Variants in CTNND2 observed in about 807,000 individuals in gnomAD.
The protein encoded by CTNND2 is catenin delta-2.
CTNND2 carries 22 observed loss-of-function variants against 144.4 expected under a neutral mutation model. The observed-to-expected ratio is 0.15, with a 90% CI of 0.11 to 0.22. The LOEUF (loss-of-function observed/expected upper bound fraction) is 0.22. Among genes scored for constraint, CTNND2 ranks in the 10% least tolerant of loss-of-function variants. The pLI is 1.00. For missense variants in CTNND2, 1,353 were observed against 1,618.8 expected (o/e 0.84, Z 2.82); for synonymous variants, 751 against 695.6 (o/e 1.08, Z -1.25).
chr5:11,639,712 T>G (rs1781893268), intron 2 of CTNND2, among the ~76,000 whole-genome samples: 1 of 152,194 alleles, frequency 6.6e-6, no homozygotes, highest in African/African-American at 2.4e-5. Flanking sequence ...TTTCTCAAAA[T>G]TATATAACTC....
chr5:11,386,953 G>A (rs1055097540), intron 6 of CTNND2, among the ~76,000 whole-genome samples: 2 of 152,108 alleles, frequency 1.3e-5, no homozygotes, highest in South Asian at 2.1e-4. Context: ...TGGCTTTGAT[G>A]CAATTTTGCT....
At chr5:11,869,204 G>A (rs1161986454) in intron 1 of CTNND2, among the ~76,000 whole-genome samples, 1 of 152,154 alleles carries the variant, frequency 6.6e-6, no homozygotes, top group Non-Finnish European at 1.5e-5. Context: ...ATTGCCATAT[G>A]ATGCACCAAC....
intron 2 of CTNND2, among the ~76,000 whole-genome samples, chr5:11,626,753 A>G (rs1478767362): frequency 6.6e-6 from 1 of 152,208 alleles, no homozygotes; most frequent in Admixed American, 6.5e-5. Flanking sequence ...CTAAAATGAA[A>G]TATTTGCTCC....
At chr5:11,325,585 A>T (rs1216693556) in intron 9 of CTNND2, among the ~76,000 whole-genome samples, 1 of 152,170 alleles carries the variant, frequency 6.6e-6, no homozygotes, top group Admixed American at 6.5e-5. Context: ...GGTCCATATC[A>T]ATCTCTAAAC....
intron 1 of CTNND2, among the ~76,000 whole-genome samples, chr5:11,819,118 T>C (rs370395327): frequency 7.2e-4 from 109 of 152,308 alleles, no homozygotes; most frequent in African/African-American, 2.6e-3. Context: ...ACTTCATTAA[T>C]ACTAAACCTG....
intron 3 of CTNND2, among the ~76,000 whole-genome samples, chr5:11,454,434 G>A (rs1009557482): frequency 6.6e-6 from 1 of 151,784 alleles, no homozygotes; most frequent in African/African-American, 2.4e-5. Flanking sequence ...AAAAAAATAA[G>A]TAAATAATAA....
At chr5:11,894,790 A>G (rs1277679014) in intron 1 of CTNND2, among the ~76,000 whole-genome samples, 1 of 152,250 alleles carries the variant, frequency 6.6e-6, no homozygotes, top group East Asian at 1.9e-4. Flanking sequence ...AGAACTTGGC[A>G]TCCTAAGGCA....
chr5:11,056,708 T>C (rs1746384894), intron 16 of CTNND2, among the ~76,000 whole-genome samples: 1 of 152,186 alleles, frequency 6.6e-6, no homozygotes, highest in Non-Finnish European at 1.5e-5. Context: ...TTGTAAGTAA[T>C]AATTTAGAGC....
intron 8 of CTNND2, among the ~76,000 whole-genome samples, chr5:11,356,036 G>A (rs1334238791): frequency 6.6e-6 from 1 of 151,922 alleles, no homozygotes; most frequent in South Asian, 2.1e-4. Flanking sequence ...TTCAATTAAA[G>A]AAATAGAAGA....
At chr5:11,487,573 T>G (rs1390149996) in intron 3 of CTNND2, among the ~76,000 whole-genome samples, 1 of 152,166 alleles carries the variant, frequency 6.6e-6, no homozygotes, top group Non-Finnish European at 1.5e-5. Flanking sequence ...TGCAGTGTGC[T>G]CGTCAGAGTG....
chr5:11,445,734 G>C (rs1764739635), intron 3 of CTNND2, among the ~76,000 whole-genome samples: 1 of 152,228 alleles, frequency 6.6e-6, no homozygotes, highest in Non-Finnish European at 1.5e-5. Flanking sequence ...TAGCGGGGCT[G>C]GTGAGGTGAA....
chr5:11,449,494 C>T (rs368579665), intron 3 of CTNND2, among the ~76,000 whole-genome samples: 28 of 152,266 alleles, frequency 1.8e-4, no homozygotes, highest in African/African-American at 5.8e-4. Context: ...CTAACATGAA[C>T]GCTTAGCAGG....
At chr5:11,672,380 G>A (rs1218826714) in intron 2 of CTNND2, among the ~76,000 whole-genome samples, 9 of 152,230 alleles carry the variant, frequency 5.9e-5, no homozygotes, top group East Asian at 1.9e-4. Context: ...AGCTGTGCCT[G>A]TAGCCACCCC....
Position 11,159,608 on chromosome 5 carries a change from T to C in CTNND2, c.2127A>G (p.Ser709=). The change falls in exon 12 of 22, where the codon TCA becomes TCG. Residue 709 remains serine, a synonymous_variant. Transcript: ENST00000304623. Reference sequence around the variant, plus strand: ...ACCCGGTGGCGTTACGCAGCACCTGTGATGAATGCAGCTGTATTTTCCGAT... The same window carrying C: ...ACCCGGTGGCGTTACGCAGCACCTGCGATGAATGCAGCTGTATTTTCCGAT... The part of the protein sequence containing the change: ...QDDRKIQLHS[S]QVLRNATGCL... 2.5e-6 allele frequency: 4 copies of C among 1,613,266 alleles called. 1 individual carries two copies. In the South Asian group the frequency reaches 4.4e-5, roughly 18 times the overall value.
At chr5:11,736,131 G>T (rs886129743) in intron 1 of CTNND2, among the ~76,000 whole-genome samples, 1 of 152,076 alleles carries the variant, frequency 6.6e-6, no homozygotes, top group Non-Finnish European at 1.5e-5. Context: ...TGATGTGTCA[G>T]CCTATTTCCT....
At chr5:11,842,351 T>G in intron 1 of CTNND2, among the ~76,000 whole-genome samples, 1 of 152,136 alleles carries the variant, frequency 6.6e-6, no homozygotes, top group East Asian at 1.9e-4. Context: ...AATTCTATAC[T>G]ATGGTTTAGA....
chr5:11,172,792 G>C (rs1210345332), intron 11 of CTNND2, among the ~76,000 whole-genome samples: 1 of 152,202 alleles, frequency 6.6e-6, no homozygotes, highest in African/African-American at 2.4e-5. Context: ...TAGGCAGAGA[G>C]AACGTCCTCC....
At chr5:10,983,916 C>G (rs1327386389) in intron 20 of CTNND2, among the ~76,000 whole-genome samples, 1 of 152,152 alleles carries the variant, frequency 6.6e-6, no homozygotes, top group South Asian at 2.1e-4. Flanking sequence ...AAAGGAGTCC[C>G]AGCTTTGCCG....
rs753048391 is a variant in CTNND2, at chr5:11,384,741, G to A, written c.1101C>T (p.His367=). ...AGTGCTTGCTGTACTGCTCGGACGC[G>A]TGGACCAGGCGCTTGGTGGGCGACA... ...ATLSPTKRLV[H]ASEQYSKHSQ... The change falls in exon 7 of 22, where the codon CAC becomes CAT. Residue 367 remains histidine (H), a synonymous_variant. Coordinates refer to ENST00000304623, the MANE Select transcript of CTNND2 (RefSeq NM_001332.4). This position sits in a 1 kb window ranked among gnomAD's most constrained non-coding sequence, Gnocchi z 5.2. 1 of 1,612,666 alleles carries A rather than the reference G, an allele frequency of 6.2e-7. No individual in the cohort carries two copies.
Sources: gnomAD v4.1 joint callset for allele counts (sites outside exome capture counted in the v4.1 genomes callset) on GRCh38, gnomAD v4.1.1 for gene constraint, Gnocchi (gnomAD v3.1) non-coding constraint, MANE v1.5 for transcripts, NCBI Gene and HGNC (gene_info 2026-07-23, HGNC 2026-07-21) for gene names.